Variants in DNAJC10 observed in about 807,000 individuals in gnomAD.
DNAJC10 encodes the protein endoplasmic reticulum disulfide reductase DNAJC10.
Under a neutral mutation model 115.0 loss-of-function variants are expected in DNAJC10, and 101 were observed. That is an observed-to-expected ratio of 0.88 (90% CI 0.75 to 1.04). The LOEUF is 1.04. DNAJC10 is among the 50% of genes least tolerant of loss of function. The pLI, the probability that DNAJC10 is intolerant of heterozygous loss-of-function variation, is 0.00. For missense variants in DNAJC10, 981 were observed against 928.8 expected (o/e 1.06, Z -0.73); for synonymous variants, 307 against 301.5 (o/e 1.02, Z -0.19).
rs566898679 is a variant in DNAJC10, at chr2:182,791,008, T to C, written c.*13876T>C. On this transcript the variant is annotated 3_prime_UTR_variant, in exon 24 of 24. Coordinates refer to ENST00000264065, the MANE Select transcript of DNAJC10 (RefSeq NM_018981.4). ...TTTGTTCACTATTTTGATATTTAAATGTTATGACTTATTTTCAAGTAAATA... is the reference window on the plus strand; with the variant it reads ...TTTGTTCACTATTTTGATATTTAAACGTTATGACTTATTTTCAAGTAAATA... The C allele has an allele frequency of 2.0e-5, 3 of 152,278 alleles. No homozygotes were observed. Among genetic ancestry groups the C allele is most frequent in the African/African-American group, 7.2e-5 (3 of 41,568 alleles). 9.4% of individuals were successfully genotyped at this position (152,278 alleles called of 1,614,324 possible).
chr2:182,775,672 C>T (rs919708047), intron 23 of DNAJC10, among the ~76,000 whole-genome samples: 3 of 151,904 alleles, frequency 2.0e-5, no homozygotes, highest in African/African-American at 4.8e-5. Context: ...AACATGTATA[C>T]AAATATTTAT....
intron 2 of DNAJC10, among the ~76,000 whole-genome samples, chr2:182,717,588 A>G (rs565106857): frequency 1.1e-4 from 17 of 152,330 alleles, no homozygotes; most frequent in African/African-American, 4.1e-4. Context: ...GAAGTAGCTA[A>G]AAGGAAGAGG....
chr2:182,742,407 C>A (rs957076889), intron 13 of DNAJC10, among the ~76,000 whole-genome samples: 2 of 152,200 alleles, frequency 1.3e-5, no homozygotes, highest in Non-Finnish European at 2.9e-5. Flanking sequence ...CCAAGCTGGC[C>A]TCGAACTCCT....
chr2:182,742,743 G>A (rs1378897344), intron 13 of DNAJC10, among the ~76,000 whole-genome samples: 1 of 152,052 alleles, frequency 6.6e-6, no homozygotes, highest in Non-Finnish European at 1.5e-5. Context: ...ACTTTTTCAT[G>A]ATTATTAACA....
rs1450689271 is a variant in DNAJC10 at position 182,786,574 on chromosome 2, C to T, written c.*9442C>T. 1 of 152,152 alleles carries T rather than the reference C, an allele frequency of 6.6e-6. No individual in the cohort carries two copies. The highest frequency in any genetic ancestry group is 1.5e-5 in the Non-Finnish European group (1 of 68,044). 9.4% of individuals were successfully genotyped at this position (152,152 alleles called of 1,614,324 possible). On this transcript the variant is annotated 3_prime_UTR_variant, in exon 24 of 24. Transcript: ENST00000264065. ...ACACCATCTTCCTAAGGTGTGACCTCCTGTTCCCAAAGGAATAGACCTAGG... is the reference window on the plus strand; with the variant it reads ...ACACCATCTTCCTAAGGTGTGACCTTCTGTTCCCAAAGGAATAGACCTAGG...
At position 182,720,073 on chromosome 2, in the gene DNAJC10, G is replaced by C. The variant is rs764792929; in HGVS notation, c.271G>C (p.Asp91His). The change falls in exon 4 of 24, where the codon GAT becomes CAT. Residue 91 changes from aspartate (D) to histidine (H), a missense_variant. Transcript: ENST00000264065. ...AGCATATGAAGTACTCAAAGATGAAGATCTACGGAAAAAGTATGACAAATA... is the reference window on the plus strand; with the variant it reads ...AGCATATGAAGTACTCAAAGATGAACATCTACGGAAAAAGTATGACAAATA... ...NRAYEVLKDE[D>H]LRKKYDKYGE... is the part of the protein sequence containing the mutation. 1 of 1,607,476 alleles carries C rather than the reference G, an allele frequency of 6.2e-7. No individual in the cohort carries two copies.
chr2:182,756,992 A>G (rs538881843), intron 18 of DNAJC10, among the ~76,000 whole-genome samples: 132 of 152,132 alleles, frequency 8.7e-4, no homozygotes, highest in African/African-American at 3.1e-3. Context: ...AATTTACCTC[A>G]TATTTGTTTC....
chr2:182,743,681 A>C lies in DNAJC10; in HGVS notation c.1275A>C (p.Gly425=), dbSNP rs1693793630. ...AGCCGTCTCTAGCAGTATTTAAAGG[A>C]CAAGGAACCAAAGAATATGAAATTC... ...VFQPSLAVFK[G]QGTKEYEIHH... The change falls in exon 14 of 24, where the codon GGA becomes GGC. Residue 425 remains glycine (G), a synonymous_variant. Coordinates refer to ENST00000264065, the MANE Select transcript of DNAJC10 (RefSeq NM_018981.4). The C allele has an allele frequency of 6.2e-7, 1 of 1,611,134 alleles. No individual in the cohort carries two copies. The highest frequency in any genetic ancestry group is 1.3e-5 in the African/African-American group (1 of 74,816).
chr2:182,769,292 G>T (rs1019503406), intron 22 of DNAJC10, among the ~76,000 whole-genome samples: 2 of 152,142 alleles, frequency 1.3e-5, no homozygotes, highest in South Asian at 2.1e-4. Context: ...ACATATGTGT[G>T]CATGTGTCTT....
chr2:182,764,281 T>G (rs1220699990), intron 22 of DNAJC10, among the ~76,000 whole-genome samples: 1 of 152,150 alleles, frequency 6.6e-6, no homozygotes, highest in Non-Finnish European at 1.5e-5. Context: ...TTCCTGAAAT[T>G]CATGGGTTAC....
In DNAJC10 at chr2:182,786,031, A is replaced by T. The variant is rs1694939997; in HGVS notation, c.*8899A>T. The T allele has an allele frequency of 6.6e-6, 1 of 152,214 alleles. No individual in the cohort carries two copies. The highest frequency in any genetic ancestry group is 2.1e-4 in the South Asian group (1 of 4,830). 9.4% of individuals were successfully genotyped at this position (152,214 alleles called of 1,614,324 possible). Reference sequence around the variant, plus strand: ...GGGTAGTTGTTAAATGGATGGCTGTATCATAAGTATTGAAGCTGATAAGGG... The same window carrying T: ...GGGTAGTTGTTAAATGGATGGCTGTTTCATAAGTATTGAAGCTGATAAGGG... On this transcript the variant is annotated 3_prime_UTR_variant, in exon 24 of 24. Transcript: ENST00000264065.
chr2:182,719,935 T>C, intron 3 of DNAJC10, 72 bp from the exon 4 acceptor site: 2 of 880,256 alleles, frequency 2.3e-6, no homozygotes, highest in South Asian at 1.8e-5. Flanking sequence ...TAATTAAACC[T>C]ACATATATGT....
At chr2:182,743,110 G>A (rs1356595517) in intron 13 of DNAJC10, among the ~76,000 whole-genome samples, 2 of 152,158 alleles carry the variant, frequency 1.3e-5, no homozygotes, top group Admixed American at 6.5e-5. Context: ...GCCTCCCCAA[G>A]TGCTGGGATT....
rs75971195 is a variant in DNAJC10 at position 182,724,570 on chromosome 2, G to A, written c.418+2495G>A. On this transcript the variant is annotated intron_variant, in intron 5 of 23. Coordinates refer to ENST00000264065, the MANE Select transcript of DNAJC10 (RefSeq NM_018981.4). ...TCAGGCTAATTAGAAACAGGTACAG[G>A]ACTCAGTGTTCACCTACATTTCAAG... Among the ~76,000 whole-genome samples the A allele has an allele frequency of 2.9e-3, 439 of 152,262 alleles. 2 individuals carry two copies. The highest frequency in any genetic ancestry group is 5.4e-3 in the South Asian group (26 of 4,832).
intron 23 of DNAJC10, 68 bp from the exon 24 acceptor site, chr2:182,777,053 C>T: frequency 9.6e-7 from 1 of 1,043,318 alleles, no homozygotes; most frequent in Non-Finnish European, 1.3e-6. Flanking sequence ...TGTGGTATTT[C>T]ACCTTATTTT....
chr2:182,721,513 G>C (rs1693149596), intron 4 of DNAJC10, among the ~76,000 whole-genome samples: 1 of 152,100 alleles, frequency 6.6e-6, no homozygotes, highest in South Asian at 2.1e-4. Context: ...AATACTCTAA[G>C]CTTTTTAGCA....
rs764082719 is a variant in DNAJC10, at chr2:182,762,341, C to CCA, written c.2146-338_2146-337dup. ...GACAAAGAGTGCCCAAAGAGTCCTA[C>CCA]CACAGCACACCCCCAGTGAAAGGAG... On this transcript the variant is annotated intron_variant, in intron 21 of 23. Coordinates refer to ENST00000264065, the MANE Select transcript of DNAJC10 (RefSeq NM_018981.4). Among the ~76,000 whole-genome samples, 17 of 152,094 alleles carry CCA rather than the reference C, an allele frequency of 1.1e-4. No homozygotes were observed. The Middle Eastern group carries it at 0.01, about 91-fold the overall frequency.
rs1237657915 is a variant in DNAJC10, at chr2:182,762,817, C to A, written c.2265+16C>A. 14 of 1,608,184 alleles carry A rather than the reference C, an allele frequency of 8.7e-6. No individual in the cohort carries two copies. Among genetic ancestry groups the A allele is most frequent in the Non-Finnish European group, 1.1e-5 (13 of 1,176,568 alleles). Reference sequence around the variant, plus strand: ...AAGAGCAAAGGTATGTCCAGACTTTCCTCTGTTCCTTCCCTTAGTAGGCCA... The same window carrying A: ...AAGAGCAAAGGTATGTCCAGACTTTACTCTGTTCCTTCCCTTAGTAGGCCA... On this transcript the variant is annotated intron_variant, in intron 22 of 23. Transcript: ENST00000264065.
intron 22 of DNAJC10, among the ~76,000 whole-genome samples, chr2:182,773,772 A>G (rs181421292): frequency 2.0e-5 from 3 of 152,164 alleles, no homozygotes; most frequent in Non-Finnish European, 2.9e-5. Flanking sequence ...AATGGGTTCA[A>G]ACATCCTTCT....
Sources: allele counts gnomAD v4.1 joint callset (sites outside exome capture counted in the v4.1 genomes callset), GRCh38; gene constraint gnomAD v4.1.1; transcripts MANE v1.5; gene names NCBI Gene and HGNC (gene_info 2026-07-23, HGNC 2026-07-21).